Variants in COL9A2 observed in about 807,000 individuals in gnomAD.
COL9A2 encodes collagen alpha-2(IX) chain.
In COL9A2, 66 loss-of-function variants were observed where a neutral mutation model predicts 111.6. The ratio of observed to expected loss-of-function variants is 0.59; its 90% CI spans 0.48 to 0.73. The LOEUF (loss-of-function observed/expected upper bound fraction) is 0.73. Ranked by LOEUF, COL9A2 falls within the 30% of genes least tolerant of loss-of-function variation. COL9A2 has a pLI of 0.00. For missense variants in COL9A2, 881 were observed against 954.1 expected (o/e 0.92, Z 1.01); for synonymous variants, 353 against 364.1 (o/e 0.97, Z 0.35).
At position 40,311,584 on chromosome 1, in the gene COL9A2, C is replaced by T; in HGVS notation, c.472-37G>A. ...CATGAAGATGGAGCTTGGCCTGACC[C>T]TTTCCCGCCGCAGGCTTGCTCAAAG... On this transcript the variant is annotated intron_variant, in intron 9 of 31. Coordinates refer to ENST00000372748, the MANE Select transcript of COL9A2 (RefSeq NM_001852.4). This position sits in a 1 kb window ranked among gnomAD's most constrained non-coding sequence, Gnocchi z 5.1. 4 of 1,614,030 alleles carry T rather than the reference C, an allele frequency of 2.5e-6. No homozygotes were observed. Among genetic ancestry groups the T allele is most frequent in the Non-Finnish European group, 3.4e-6 (4 of 1,179,972 alleles).
intron 22 of COL9A2, 35 bp downstream of exon 22, chr1:40,304,759 G>T: frequency 1.3e-6 from 2 of 1,538,084 alleles, no homozygotes; most frequent in Non-Finnish European, 1.8e-6. Flanking sequence ...TGCCGCAGAG[G>T]CCCCCGGGGA....
At position 40,303,751 on chromosome 1, in the gene COL9A2, G is replaced by T; in HGVS notation, c.1401+56C>A. The T allele has an allele frequency of 6.4e-7, 1 of 1,551,228 alleles. No individual in the cohort carries two copies. Among genetic ancestry groups the T allele is most frequent in the Non-Finnish European group, 8.7e-7 (1 of 1,147,952 alleles). ...TGGGCGAGAGTGGGGGGTGGGGGTC[G>T]AGGAAGGGAGTGGCCGCCCAGGAAA... On this transcript the variant is annotated intron_variant, in intron 27 of 31. Coordinates refer to ENST00000372748, the MANE Select transcript of COL9A2 (RefSeq NM_001852.4). This position sits in a 1 kb window ranked among gnomAD's most constrained non-coding sequence, Gnocchi z 4.6.
chr1:40,311,180 C>A lies in COL9A2; in HGVS notation c.577-34G>T. On this transcript the variant is annotated intron_variant, in intron 11 of 31. Transcript: ENST00000372748. The surrounding 1 kb of genome is among the most constrained non-coding windows in gnomAD (Gnocchi z 5.1). ...AAGGAGAGAGCTCAATACGAGGTCC[C>A]CTCCTGTCACCTGCACCACCCTCCC... 1.2e-6 allele frequency: 2 copies of A among 1,614,212 alleles called. No individual in the cohort carries two copies. The highest frequency in any genetic ancestry group is 1.7e-6 in the Non-Finnish European group (2 of 1,180,004).
At position 40,307,937 on chromosome 1, in the gene COL9A2, G is replaced by A. The variant is rs1408232260; in HGVS notation, c.901-181C>T. 4.6e-5 allele frequency among the ~76,000 whole-genome samples: 7 copies of A among 152,160 alleles called. No homozygotes were observed. Among genetic ancestry groups the A allele is most frequent in the African/African-American group, 1.2e-4 (5 of 41,450 alleles). On this transcript the variant is annotated intron_variant, in intron 17 of 31. Transcript: ENST00000372748. The surrounding 1 kb of genome is among the most constrained non-coding windows in gnomAD (Gnocchi z 4.8). ...GAAGTGGGAAGGGGATGAGGGTCAC[G>A]GAACACAGTCCTTCCCTAGTGTGGA... is the stretch of plus-strand genomic sequence containing the variant.
In COL9A2 at chr1:40,301,855, C is replaced by T. The variant is rs752785723; in HGVS notation, c.1827G>A (p.Val609=). 3 of 1,614,008 alleles carry T rather than the reference C, an allele frequency of 1.9e-6. No homozygotes were observed. The highest frequency in any genetic ancestry group is 1.3e-5 in the African/African-American group (1 of 74,946). ...KRGEKGDPGE[V]GRGHPGMPGP... ...CAGGCATCCCGGGGTGCCCCCGTCC[C>T]ACTTCTCCTGGATCACCCTTCTCTC... The change falls in exon 31 of 32, where the codon GTG becomes GTA. Residue 609 remains valine (V), a synonymous_variant. Coordinates refer to ENST00000372748, the MANE Select transcript of COL9A2 (RefSeq NM_001852.4).
chr1:40,309,582 T>C (rs1038551752), intron 16 of COL9A2, among the ~76,000 whole-genome samples: 4 of 148,354 alleles, frequency 2.7e-5, no homozygotes, highest in Non-Finnish European at 5.9e-5. Flanking sequence ...TTGGGCTGAC[T>C]GGGCTCTTGG....
intron 4 of COL9A2, among the ~76,000 whole-genome samples, chr1:40,313,026 T>TATGCCAGACCCAGGCTTC (rs1644156676): frequency 6.6e-6 from 1 of 152,236 alleles, no homozygotes; most frequent in African/African-American, 2.4e-5. Context: ...GATTTGGCTT[T>TATGCCAGACCCAGGCTTC]ATGCCAGACC....
At chr1:40,305,070 T>TC in intron 21 of COL9A2, 1 of 422,948 alleles carries the variant, frequency 2.4e-6, no homozygotes, top group African/African-American at 2.2e-5. Flanking sequence ...TCTTTTTTTT[T>TC]TTTTTTTTTT....
Position 40,317,039 on chromosome 1 carries a change from C to G in COL9A2, c.75+84G>C, listed in dbSNP as rs1248078827. 1 of 1,385,682 alleles carries G rather than the reference C, an allele frequency of 7.2e-7. No individual in the cohort carries two copies. Among genetic ancestry groups the G allele is most frequent in the Non-Finnish European group, 1.0e-6 (1 of 996,500 alleles). The allele number at this position is 1,385,682 out of a possible 1,614,324, so 85.8% of individuals were successfully genotyped here. A position where few individuals can be genotyped will look rare whatever the true frequency, so the allele number is the denominator to read the frequency against. ...CTCTCGGGCTAGGGGTGTCAGTAGG[C>G]GCGGGACACAGGCAGAGCTCCTCCA... is the stretch of plus-strand genomic sequence containing the variant. On this transcript the variant is annotated intron_variant, in intron 1 of 31. Coordinates refer to ENST00000372748, the MANE Select transcript of COL9A2 (RefSeq NM_001852.4). The surrounding 1 kb of genome is among the most constrained non-coding windows in gnomAD (Gnocchi z 4.3).
At chr1:40,315,402 T>C in intron 2 of COL9A2, 188 bp downstream of exon 2, 3 of 1,413,140 alleles carry the variant, frequency 2.1e-6, no homozygotes, top group South Asian at 3.1e-5. Context: ...GGGCTCCGCA[T>C]GTCAGGGCTG....
chr1:40,315,939 A>AGTGG, intron 1 of COL9A2: 1 of 375,882 alleles, frequency 2.7e-6, no homozygotes, highest in Non-Finnish European at 4.8e-6. Context: ...GGTCACTGAG[A>AGTGG]GTGGGCGGCG....
rs869251364 is a variant in COL9A2 at position 40,305,061 on chromosome 1, C to CTTT, written c.1108-217_1108-215dup. On this transcript the variant is annotated intron_variant, in intron 21 of 31. Transcript: ENST00000372748. ...TTATCATGTGATCATTTCTTTCTTT[C>CTTT]TTTTTTTTTTTTTTTTTTTTTTTTG... The CTTT allele has an allele frequency of 6.7e-3, 822 of 123,420 alleles. 2 individuals carry two copies. The highest frequency in any genetic ancestry group is 0.011 in the African/African-American group (215 of 18,696). The allele number at this position is 123,420 out of a possible 1,614,324, so 7.6% of individuals were successfully genotyped here.
Position 40,310,156 on chromosome 1 carries a change from A to G in COL9A2, c.747T>C (p.His249=), listed in dbSNP as rs747499674. 2.2e-5 allele frequency: 35 copies of G among 1,613,866 alleles called. No individual in the cohort carries two copies. The highest frequency in any genetic ancestry group is 2.9e-5 in the Non-Finnish European group (34 of 1,179,934). The part of the protein sequence containing the change: ...MAGPKGETGP[H]GYKGMVGAIG... The stretch of plus-strand genomic sequence containing the variant: ...TAGCGCCCACCATGCCTTTATATCC[A>G]TGAGGGCCCTGGGGAGAGGAAAGGG... The change falls in exon 15 of 32, where the codon CAT becomes CAC. Residue 249 remains histidine (H), a synonymous_variant. Transcript: ENST00000372748. The surrounding 1 kb of genome is among the most constrained non-coding windows in gnomAD (Gnocchi z 4.9).
chr1:40,315,172 C>A (rs1346964277), intron 2 of COL9A2: 50 of 978,734 alleles, frequency 5.1e-5, no homozygotes, highest in Non-Finnish European at 6.1e-5. Context: ...GGAGAGAAAA[C>A]CGAAGGGAAG....
chr1:40,311,591 G>A lies in COL9A2; in HGVS notation c.472-44C>T, dbSNP rs1644128615. ...ATGGAGCTTGGCCTGACCCTTTCCC[G>A]CCGCAGGCTTGCTCAAAGACCCTTC... On this transcript the variant is annotated intron_variant, in intron 9 of 31. Coordinates refer to ENST00000372748, the MANE Select transcript of COL9A2 (RefSeq NM_001852.4). The surrounding 1 kb of genome is among the most constrained non-coding windows in gnomAD (Gnocchi z 5.1). 3.1e-6 allele frequency: 5 copies of A among 1,613,562 alleles called. No individual in the cohort carries two copies. Among genetic ancestry groups the A allele is most frequent in the Admixed American group, 1.7e-5 (1 of 59,988 alleles).
chr1:40,315,896 C>T, intron 1 of COL9A2: 1 of 457,406 alleles, frequency 2.2e-6, no homozygotes, highest in Non-Finnish European at 3.9e-6. Flanking sequence ...AGTTTGCAGT[C>T]GAAGAAACTG....
At position 40,311,447 on chromosome 1, in the gene COL9A2, T is replaced by C; in HGVS notation, c.519+53A>G. On this transcript the variant is annotated intron_variant, in intron 10 of 31. Transcript: ENST00000372748. The surrounding 1 kb of genome is among the most constrained non-coding windows in gnomAD (Gnocchi z 5.1). Reference sequence around the variant, plus strand: ...CCATCTCCGTGGCCCCGCCTCCCCATCTCTGTGGCCCCGCCCCCCTGTGTT... The same window carrying C: ...CCATCTCCGTGGCCCCGCCTCCCCACCTCTGTGGCCCCGCCCCCCTGTGTT... 1.2e-6 allele frequency: 1 copy of C among 810,712 alleles called. No individual in the cohort carries two copies. Among genetic ancestry groups the C allele is most frequent in the Non-Finnish European group, 2.0e-6 (1 of 504,316 alleles). The allele number at this position is 810,712 out of a possible 1,614,324, so 50.2% of individuals were successfully genotyped here. A position where few individuals can be genotyped will look rare whatever the true frequency, so the allele number is the denominator to read the frequency against.
In COL9A2 at chr1:40,301,110, G is replaced by T; in HGVS notation, c.*72C>A. 2.0e-6 allele frequency: 3 copies of T among 1,515,110 alleles called. No homozygotes were observed. Among genetic ancestry groups the T allele is most frequent in the Non-Finnish European group, 2.7e-6 (3 of 1,095,140 alleles). 93.9% of individuals were successfully genotyped at this position (1,515,110 alleles called of 1,614,324 possible). A position where few individuals can be genotyped will look rare whatever the true frequency, so the allele number is the denominator to read the frequency against. The stretch of plus-strand genomic sequence containing the variant: ...AGATGGTTTCCTGGACTGGGGATGG[G>T]TGCATGTCCACCCAGAGGGGACCTG... On this transcript the variant is annotated 3_prime_UTR_variant, in exon 32 of 32. Coordinates refer to ENST00000372748, the MANE Select transcript of COL9A2 (RefSeq NM_001852.4).
At chr1:40,305,836 A>G (rs1052622250) in intron 20 of COL9A2, 68 bp from the exon 21 acceptor site, 13 of 1,422,640 alleles carry the variant, frequency 9.1e-6, no homozygotes, top group South Asian at 2.3e-5. Flanking sequence ...GGGAAACCCA[A>G]CGAAGCCTAA....
Sources: allele counts gnomAD v4.1 joint callset (sites outside exome capture counted in the v4.1 genomes callset), GRCh38; gene constraint gnomAD v4.1.1; non-coding constraint Gnocchi (gnomAD v3.1); transcripts MANE v1.5; gene names NCBI Gene and HGNC (gene_info 2026-07-23, HGNC 2026-07-21).